SLFN12L: variants seen among roughly 807,000 people sequenced by gnomAD.
The protein encoded by SLFN12L is schlafen family member 12-like.
In SLFN12L, 34 loss-of-function variants were observed where a neutral mutation model predicts 34.8. The ratio of observed to expected loss-of-function variants is 0.98; its 90% confidence interval spans 0.74 to 1.30. The LOEUF (loss-of-function observed/expected upper bound fraction) is 1.30, where lower values mean the gene tolerates loss of function less well. SLFN12L is among the 50% of genes most tolerant of loss of function. The pLI is 0.00. For missense variants in SLFN12L, 703 were observed against 696.2 expected (o/e 1.01, Z -0.11); for synonymous variants, 259 against 247.5 (o/e 1.05, Z -0.44).
chr17:35,524,082 A>G (rs2072308778), intron 1 of SLFN12L, among the ~76,000 whole-genome samples: 1 of 152,184 alleles, frequency 6.6e-6, no homozygotes, highest in Non-Finnish European at 1.5e-5. Context: ...TTTACTGGTA[A>G]TTGTTTATTG....
chr17:35,495,706 C>T (rs113703402), intron 2 of SLFN12L, among the ~76,000 whole-genome samples: 1 of 149,842 alleles, frequency 6.7e-6, no homozygotes, highest in African/African-American at 2.5e-5. Flanking sequence ...ATTCTGCTCG[C>T]GAGCCGCAGA....
chr17:35,503,571 A>G (rs1183261953), intron 2 of SLFN12L, among the ~76,000 whole-genome samples: 1 of 152,218 alleles, frequency 6.6e-6, no homozygotes, highest in Non-Finnish European at 1.5e-5. Flanking sequence ...TGGTCTAAAA[A>G]CTAATAAAAA....
chr17:35,494,905 A>G (rs1304841747), intron 2 of SLFN12L, among the ~76,000 whole-genome samples: 1 of 150,358 alleles, frequency 6.7e-6, no homozygotes, highest in East Asian at 1.9e-4. Context: ...TTATTTATTT[A>G]TTTATTTATT....
intron 2 of SLFN12L, among the ~76,000 whole-genome samples, chr17:35,484,523 G>A (rs1914498177): frequency 6.6e-6 from 1 of 152,150 alleles, no homozygotes; most frequent in Admixed American, 6.5e-5. Context: ...AGCACCAGCA[G>A]TGTCATCCTG....
chr17:35,491,909 T>C (rs1914853601), intron 2 of SLFN12L, among the ~76,000 whole-genome samples: 2 of 152,226 alleles, frequency 1.3e-5, no homozygotes, highest in Admixed American at 6.5e-5. Flanking sequence ...AGAAGACTAG[T>C]AGAGTTCTGC....
At position 35,468,525 on chromosome 17, in the gene SLFN12L, G is replaced by T. The variant is rs1311363905; in HGVS notation, c.*6398C>A. Among the ~76,000 whole-genome samples, 2 of 152,144 alleles carry T rather than the reference G, an allele frequency of 1.3e-5. No individual in the cohort carries two copies. The highest frequency in any genetic ancestry group is 1.9e-4 in the East Asian group (1 of 5,192). ...TTCACCCCAGTGACACCCATGGACT[G>T]CCTCTTCTCAGGCACAAACTGCACA... is the stretch of plus-strand genomic sequence containing the variant. On this transcript the variant is annotated 3_prime_UTR_variant, in exon 5 of 5. Transcript: ENST00000628453.
intron 2 of SLFN12L, among the ~76,000 whole-genome samples, chr17:35,486,519 CT>C (rs1488403445): frequency 6.6e-6 from 1 of 152,114 alleles, no homozygotes; most frequent in East Asian, 1.9e-4. Flanking sequence ...AGTCCAACAC[CT>C]GCAGCCATGT....
rs1331380115 is a variant in SLFN12L at position 35,479,594 on chromosome 17, T to C, written c.688A>G (p.Thr230Ala). The C allele has an allele frequency of 1.2e-6, 2 of 1,613,066 alleles. No homozygotes were observed. Among genetic ancestry groups the C allele is most frequent in the Non-Finnish European group, 1.7e-6 (2 of 1,179,588 alleles). ...AATTTTTCTTTATAACCAAGTTCTGTTCTGTTAAAAAAATCAGCAGCCAAG... is the reference window on the plus strand; with the variant it reads ...AATTTTTCTTTATAACCAAGTTCTGCTCTGTTAAAAAAATCAGCAGCCAAG... Reference protein sequence around the residue: ...EALAADFFNRTELGYKEKLTF... With the variant: ...EALAADFFNRAELGYKEKLTF... The change falls in exon 3 of 5, where the codon ACA becomes GCA. Residue 230 changes from threonine (T) to alanine (A), a missense_variant. Coordinates refer to ENST00000628453, the MANE Select transcript of SLFN12L (RefSeq NM_001363830.2).
At chr17:35,492,745 G>A (rs777658650) in intron 2 of SLFN12L, among the ~76,000 whole-genome samples, 13 of 152,246 alleles carry the variant, frequency 8.5e-5, no homozygotes, top group South Asian at 2.1e-4. Context: ...GCTTTCCCTC[G>A]GGCAGGTGGC....
chr17:35,488,647 C>A (rs1914706493), intron 2 of SLFN12L, among the ~76,000 whole-genome samples: 1 of 152,214 alleles, frequency 6.6e-6, no homozygotes. Flanking sequence ...GTTCACCAGT[C>A]TGAATTGCCC....
In SLFN12L at chr17:35,478,059, G is replaced by A. The variant is rs1051237795; in HGVS notation, c.1276+16C>T. The A allele has an allele frequency of 1.3e-6, 2 of 1,482,288 alleles. No individual in the cohort carries two copies. Among genetic ancestry groups the A allele is most frequent in the Non-Finnish European group, 1.8e-6 (2 of 1,086,834 alleles). The allele number at this position is 1,482,288 out of a possible 1,614,324, so 91.8% of individuals were successfully genotyped here. A position where few individuals can be genotyped will look rare whatever the true frequency, so the allele number is the denominator to read the frequency against. On this transcript the variant is annotated intron_variant, in intron 4 of 4. Coordinates refer to ENST00000628453, the MANE Select transcript of SLFN12L (RefSeq NM_001363830.2). ...CAGTTACACCAACAACTCCACGGAAGCCAGAATTAAATTACCTGGAAGGTG... is the reference window on the plus strand; with the variant it reads ...CAGTTACACCAACAACTCCACGGAAACCAGAATTAAATTACCTGGAAGGTG...
rs563075415 is a variant in SLFN12L at position 35,464,485 on chromosome 17, G to A, written c.*10438C>T. The A allele has an allele frequency of 2.5e-5, 3 of 121,936 alleles. No individual in the cohort carries two copies. The highest frequency in any genetic ancestry group is 9.7e-5 in the African/African-American group (3 of 30,920). The allele number at this position is 121,936 out of a possible 1,614,324, so 7.6% of individuals were successfully genotyped here. On this transcript the variant is annotated 3_prime_UTR_variant, in exon 5 of 5. Coordinates refer to ENST00000628453, the MANE Select transcript of SLFN12L (RefSeq NM_001363830.2). The stretch of plus-strand genomic sequence containing the variant: ...CTTCTTTGTGTTCATAAGTTCTTTC[G>A]TTTAGCTCCCATTTATCAGTGAGAA...
intron 1 of SLFN12L, among the ~76,000 whole-genome samples, chr17:35,529,954 G>T (rs990045797): frequency 1.3e-5 from 2 of 151,630 alleles, no homozygotes; most frequent in South Asian, 4.1e-4. Context: ...AAAGAAAAAA[G>T]TTGAAGAGAT....
intron 1 of SLFN12L, among the ~76,000 whole-genome samples, chr17:35,533,621 G>A (rs1158468501): frequency 6.6e-6 from 1 of 152,178 alleles, no homozygotes; most frequent in African/African-American, 2.4e-5. Context: ...AGAAGGGGGG[G>A]AAGAATTTTC....
chr17:35,476,786 CA>C (rs34696569), intron 4 of SLFN12L, among the ~76,000 whole-genome samples: 74,178 of 141,106 alleles, frequency 0.53, 18,838 homozygotes, highest in Middle Eastern at 0.68. Context: ...TTCTGTCTGC[CA>C]AAAAAAAAAA....
intron 2 of SLFN12L, chr17:35,499,904 A>G: frequency 6.3e-6 from 1 of 159,046 alleles, no homozygotes; most frequent in East Asian, 1.9e-4. Flanking sequence ...TAGGCCAAGG[A>G]AGATAGAAAT....
At chr17:35,501,875 G>A (rs572024066) in intron 2 of SLFN12L, among the ~76,000 whole-genome samples, 2 of 152,202 alleles carry the variant, frequency 1.3e-5, no homozygotes, top group African/African-American at 4.8e-5. Flanking sequence ...GTTACAGCTG[G>A]TTTTAGACCA....
intron 1 of SLFN12L, among the ~76,000 whole-genome samples, chr17:35,529,662 T>C (rs1597885384): frequency 8.1e-6 from 1 of 123,554 alleles, no homozygotes; most frequent in East Asian, 2.4e-4. Context: ...CACGGACACA[T>C]AAAGGGGAAC....
chr17:35,487,788 T>C (rs1914654275), intron 2 of SLFN12L: 1 of 1,532,928 alleles, frequency 6.5e-7, no homozygotes, highest in Non-Finnish European at 8.7e-7. Flanking sequence ...TTTTCCACTT[T>C]CCTGCTCTCC....
Sources: allele counts gnomAD v4.1 joint callset (sites outside exome capture counted in the v4.1 genomes callset), GRCh38; gene constraint gnomAD v4.1.1; transcripts MANE v1.5; gene names NCBI Gene and HGNC (gene_info 2026-07-23, HGNC 2026-07-21).